The following HLCS variants were observed in gnomAD, a reference collection of about 807,000 sequenced individuals.
HLCS encodes the protein biotin--protein ligase.
Under a neutral mutation model 75.0 loss-of-function variants are expected in HLCS, and 53 were observed. The observed-to-expected ratio is 0.71, with a 90% CI of 0.57 to 0.89. The LOEUF (loss-of-function observed/expected upper bound fraction) is 0.89. Ranked by LOEUF, HLCS falls within the 40% of genes least tolerant of loss-of-function variation. The pLI is 0.00. For synonymous variants in HLCS, 431 were observed against 428.6 expected, an observed-to-expected ratio of 1.01 and a Z score of -0.07; for missense variants, 966 against 1,074.0, an observed-to-expected ratio of 0.90 and a Z score of 1.41.
At chr21:36,853,171 T>C (rs1293847644) in intron 6 of HLCS, among the ~76,000 whole-genome samples, 2 of 152,088 alleles carry the variant, frequency 1.3e-5, no homozygotes, top group South Asian at 2.1e-4. Flanking sequence ...CAGGTACAAA[T>C]GGTCTTAAGG....
chr21:36,957,450 T>C (rs2068023809), intron 2 of HLCS, among the ~76,000 whole-genome samples: 1 of 152,314 alleles, frequency 6.6e-6, no homozygotes, highest in Middle Eastern at 3.4e-3. Flanking sequence ...TATTTCTTTA[T>C]AGCAATGCAA....
chr21:36,823,773 C>A (rs2061922785), intron 6 of HLCS, among the ~76,000 whole-genome samples: 1 of 152,080 alleles, frequency 6.6e-6, no homozygotes, highest in Admixed American at 6.6e-5. Context: ...TTTTGCATTA[C>A]CTAGATAAGT....
intron 5 of HLCS, among the ~76,000 whole-genome samples, chr21:36,929,995 T>C (rs979792755): frequency 2.0e-5 from 3 of 152,202 alleles, no homozygotes; most frequent in African/African-American, 7.2e-5. Flanking sequence ...ACAGGGACCC[T>C]CTTCCCCCTA....
intron 6 of HLCS, among the ~76,000 whole-genome samples, chr21:36,777,229 T>G (rs1355848606): frequency 3.3e-5 from 5 of 152,248 alleles, no homozygotes; most frequent in African/African-American, 1.2e-4. Context: ...AATTCCCCTG[T>G]GCTTCACTTA....
intron 6 of HLCS, among the ~76,000 whole-genome samples, chr21:36,813,624 C>A (rs2061575456): frequency 1.3e-5 from 2 of 152,270 alleles, no homozygotes; most frequent in African/African-American, 4.8e-5. Flanking sequence ...TGTAATGAAT[C>A]AGGCGGCTCA....
intron 6 of HLCS, among the ~76,000 whole-genome samples, chr21:36,882,620 CT>C (rs35012674): frequency 0.43 from 45,106 of 104,532 alleles, 10,259 homozygotes; most frequent in African/African-American, 0.69. Flanking sequence ...TTCTTTCTTT[CT>C]TTTTTTTTTT....
intron 6 of HLCS, among the ~76,000 whole-genome samples, chr21:36,795,099 G>A (rs2060987497): frequency 6.6e-6 from 1 of 152,170 alleles, no homozygotes; most frequent in African/African-American, 2.4e-5. Context: ...CAGCGAATGA[G>A]TTGGGCTGGA....
At chr21:36,914,468 G>A (rs1429844361) in intron 5 of HLCS, among the ~76,000 whole-genome samples, 1 of 152,216 alleles carries the variant, frequency 6.6e-6, no homozygotes, top group Non-Finnish European at 1.5e-5. Context: ...CTGTTAAGCG[G>A]TCTTCCTTTT....
At chr21:36,784,979 C>A (rs1027763836) in intron 6 of HLCS, among the ~76,000 whole-genome samples, 1 of 152,140 alleles carries the variant, frequency 6.6e-6, no homozygotes, top group African/African-American at 2.4e-5. Context: ...AACAAAGGAA[C>A]CTGAAGGTAA....
chr21:36,798,435 G>A (rs1218147063), intron 6 of HLCS, among the ~76,000 whole-genome samples: 1 of 152,084 alleles, frequency 6.6e-6, no homozygotes, highest in Admixed American at 6.6e-5. Flanking sequence ...TCCAGTTTGG[G>A]GTTATTCAAA....
chr21:36,841,951 T>C (rs2062630784), intron 6 of HLCS, among the ~76,000 whole-genome samples: 1 of 152,184 alleles, frequency 6.6e-6, no homozygotes, highest in South Asian at 2.1e-4. Flanking sequence ...GACATATGCA[T>C]ACCTCACAAC....
At chr21:36,855,915 C>A (rs1301871281) in intron 6 of HLCS, among the ~76,000 whole-genome samples, 1 of 152,124 alleles carries the variant, frequency 6.6e-6, no homozygotes, top group Non-Finnish European at 1.5e-5. Flanking sequence ...GGACATGCTA[C>A]AACATGGGTG....
Position 36,910,352 on chromosome 21 carries a change from C to A in HLCS, c.1621-13221G>T, listed in dbSNP as rs1034456616. 2.0e-5 allele frequency among the ~76,000 whole-genome samples: 3 copies of A among 152,144 alleles called. No individual in the cohort carries two copies. The East Asian group carries it at 5.8e-4, about 29-fold the overall frequency. On this transcript the variant is annotated intron_variant, in intron 5 of 10. Transcript: ENST00000674895. ...CTGAGGTCAGGAGTTTGAGACCAGC[C>A]TGGCCAACATGGTGAAACCCCATCT...
chr21:36,790,272 G>C (rs1035125992), intron 6 of HLCS, among the ~76,000 whole-genome samples: 1 of 151,908 alleles, frequency 6.6e-6, no homozygotes, highest in East Asian at 1.9e-4. Context: ...GGTGTGGTGG[G>C]GTGCACCTGT....
At chr21:36,909,723 G>A (rs2065620339) in intron 5 of HLCS, among the ~76,000 whole-genome samples, 2 of 152,318 alleles carry the variant, frequency 1.3e-5, no homozygotes, top group Admixed American at 1.3e-4. Flanking sequence ...CTCCCAAAGT[G>A]CTGGGTTTAC....
chr21:36,956,779 T>C (rs1272235933), intron 2 of HLCS, among the ~76,000 whole-genome samples: 1 of 151,284 alleles, frequency 6.6e-6, no homozygotes, highest in African/African-American at 2.4e-5. Flanking sequence ...GGAGCCAGAA[T>C]GGTGGCTCAT....
intron 6 of HLCS, among the ~76,000 whole-genome samples, chr21:36,849,075 T>A (rs1359026545): frequency 6.6e-6 from 1 of 152,188 alleles, no homozygotes; most frequent in Non-Finnish European, 1.5e-5. Context: ...GGAAATCTAA[T>A]CCTAAAATAA....
At chr21:36,896,838 T>TG in intron 6 of HLCS, 22 bp downstream of exon 6, 1 of 1,613,648 alleles carries the variant, frequency 6.2e-7, no homozygotes, top group Non-Finnish European at 8.5e-7. Flanking sequence ...TCTGAGCAGA[T>TG]GCAGACCTGC....
At chr21:36,850,462 T>C (rs892398178) in intron 6 of HLCS, among the ~76,000 whole-genome samples, 38 of 152,138 alleles carry the variant, frequency 2.5e-4, no homozygotes, top group African/African-American at 8.4e-4. Flanking sequence ...TCGGAGAGAC[T>C]GCTCTCTATC....
Sources: allele counts gnomAD v4.1 joint callset (sites outside exome capture counted in the v4.1 genomes callset), GRCh38; gene constraint gnomAD v4.1.1; transcripts MANE v1.5; gene names NCBI Gene and HGNC (gene_info 2026-07-23, HGNC 2026-07-21).